Variants in KIAA1549L observed in about 807,000 individuals in gnomAD.
KIAA1549L encodes the protein KIAA1549 like, also known as UPF0606 protein KIAA1549L.
KIAA1549L carries 88 observed loss-of-function variants against 160.7 expected under a neutral mutation model. The observed-to-expected ratio is 0.55, with a 90% CI of 0.46 to 0.65. The LOEUF is 0.65. Ranked by LOEUF, KIAA1549L falls within the 30% of genes least tolerant of loss-of-function variation. The pLI is 0.00. For missense variants in KIAA1549L, 2,258 were observed against 2,437.5 expected (o/e 0.93, Z 1.55); for synonymous variants, 950 against 976.7 (o/e 0.97, Z 0.51).
chr11:33,446,608 A>C (rs1174782690), intron 1 of KIAA1549L, among the ~76,000 whole-genome samples: 1 of 152,148 alleles, frequency 6.6e-6, no homozygotes, highest in African/African-American at 2.4e-5. Flanking sequence ...TCATGAGTTT[A>C]CATCCCAAAT....
chr11:33,464,474 ATGTGTGTGTGTGTGTGTGTGTGTGTG>A (rs3038997), intron 1 of KIAA1549L, among the ~76,000 whole-genome samples: 2 of 140,090 alleles, frequency 1.4e-5, no homozygotes, highest in African/African-American at 5.3e-5. Flanking sequence ...CTGTGTGTGC[ATGTGTGTGTGTGTGTGTGTGTGTGTG>A]TGTGTGTGTG....
chr11:33,438,113 T>A (rs149903812), intron 1 of KIAA1549L, among the ~76,000 whole-genome samples: 62 of 152,314 alleles, frequency 4.1e-4, no homozygotes, highest in East Asian at 4.1e-3. Context: ...AAGAGTTGTT[T>A]CACATGGATC....
At position 33,530,429 on chromosome 11, in the gene KIAA1549L, AAAAAAAAATATATATATATAT is replaced by A. The variant is rs1485446711; in HGVS notation, c.239-11371_239-11351del. Among the ~76,000 whole-genome samples the A allele has an allele frequency of 3.3e-3, 63 of 19,128 alleles. 5 individuals are homozygous for A. Among genetic ancestry groups the A allele is most frequent in the African/African-American group, 9.0e-3 (58 of 6,468 alleles). The allele number at this position is 19,128 out of a possible 152,430, so 12.5% of individuals were successfully genotyped here. A position where few individuals can be genotyped will look rare whatever the true frequency, so the allele number is the denominator to read the frequency against. On this transcript the variant is annotated intron_variant, in intron 1 of 20. Coordinates refer to ENST00000658780, the MANE Select transcript of KIAA1549L (RefSeq NM_012194.3). Reference sequence around the variant, plus strand: ...GAAGAAGAAGGAAAAAAAAAAAAAAAAAAAAAAATATATATATATATATATATATATATATATATATATATA... The same window carrying A: ...GAAGAAGAAGGAAAAAAAAAAAAAAAATATATATATATATATATATATATA...
intron 15 of KIAA1549L, among the ~76,000 whole-genome samples, chr11:33,610,946 C>T (rs992289625): frequency 2.0e-5 from 3 of 152,168 alleles, no homozygotes; most frequent in Admixed American, 6.5e-5. Flanking sequence ...AATAATGCCA[C>T]CCATGAGGAG....
intron 17 of KIAA1549L, among the ~76,000 whole-genome samples, chr11:33,646,387 A>G (rs1259937936): frequency 1.8e-4 from 28 of 152,222 alleles, no homozygotes. Flanking sequence ...AAGGCATCTC[A>G]GAGCCACATG....
At chr11:33,563,431 T>C (rs915921752) in intron 8 of KIAA1549L, among the ~76,000 whole-genome samples, 2 of 150,782 alleles carry the variant, frequency 1.3e-5, no homozygotes, top group African/African-American at 4.9e-5. Context: ...CTGCACATCA[T>C]GGAAGATGTG....
rs1852517862 is a variant in KIAA1549L, at chr11:33,667,672, G to A, written c.6160-201G>A. On this transcript the variant is annotated intron_variant, in intron 20 of 20. Coordinates refer to ENST00000658780, the MANE Select transcript of KIAA1549L (RefSeq NM_012194.3). ...GACTTCCAAAGTGCCGGGATTACAG[G>A]CGTGAGCCACCGAAATTACCTATTT... is the stretch of plus-strand genomic sequence containing the variant. 2.0e-5 allele frequency among the ~76,000 whole-genome samples: 3 copies of A among 152,148 alleles called. 1 individual carries two copies. In the South Asian group the frequency reaches 6.2e-4, roughly 32 times the overall value.
chr11:33,463,484 A>G (rs113700666), intron 1 of KIAA1549L, among the ~76,000 whole-genome samples: 1 of 152,280 alleles, frequency 6.6e-6, no homozygotes, highest in African/African-American at 2.4e-5. Flanking sequence ...ATAAATACCA[A>G]CGTCTTGGGT....
intron 1 of KIAA1549L, among the ~76,000 whole-genome samples, chr11:33,390,180 C>T (rs1459368894): frequency 2.0e-5 from 3 of 152,204 alleles, no homozygotes; most frequent in Admixed American, 6.5e-5. Flanking sequence ...TTCAGTGTCT[C>T]CCAGTTAACT....
intron 1 of KIAA1549L, among the ~76,000 whole-genome samples, chr11:33,442,980 A>G (rs1851539731): frequency 6.6e-6 from 1 of 151,950 alleles, no homozygotes; most frequent in African/African-American, 2.4e-5. Flanking sequence ...TTTCATTATT[A>G]TATTTTATAT....
intron 1 of KIAA1549L, among the ~76,000 whole-genome samples, chr11:33,516,969 A>G (rs1051266491): frequency 8.5e-5 from 13 of 152,168 alleles, no homozygotes; most frequent in African/African-American, 7.2e-5. Flanking sequence ...CCTAATTGCT[A>G]TTACTCTCAA....
intron 16 of KIAA1549L, among the ~76,000 whole-genome samples, chr11:33,642,467 G>T (rs2133397459): frequency 6.6e-6 from 1 of 152,316 alleles, no homozygotes; most frequent in East Asian, 1.9e-4. Context: ...TAAGGGAGGG[G>T]AAGGGGTTCT....
chr11:33,545,488 C>G (rs1023292094), intron 3 of KIAA1549L, 110 bp downstream of exon 3: 2 of 1,281,532 alleles, frequency 1.6e-6, no homozygotes, highest in Non-Finnish European at 2.1e-6. Flanking sequence ...TTTCCACCCT[C>G]CCCCAGGGAC....
chr11:33,495,802 T>A lies in KIAA1549L; in HGVS notation c.239-46000T>A, dbSNP rs372856544. On this transcript the variant is annotated intron_variant, in intron 1 of 20. Transcript: ENST00000658780. Reference sequence around the variant, plus strand: ...CTCCAGCACCTGTTGTTTCCTGACTTTTTAATGATTGCCATTCTAACTGGT... The same window carrying A: ...CTCCAGCACCTGTTGTTTCCTGACTATTTAATGATTGCCATTCTAACTGGT... Among the ~76,000 whole-genome samples the A allele has an allele frequency of 2.3e-3, 349 of 151,970 alleles. 3 individuals carry two copies. The South Asian group carries it at 0.024, about 10-fold the overall frequency.
chr11:33,633,173 AT>A (rs1449603722), intron 16 of KIAA1549L, among the ~76,000 whole-genome samples: 1 of 66,098 alleles, frequency 1.5e-5, no homozygotes, highest in East Asian at 4.4e-4. Context: ...TTTTTTTTGT[AT>A]TTTTAGTAGA....
chr11:33,632,818 A>C lies in KIAA1549L; in HGVS notation c.5410-12868A>C, dbSNP rs552124953. Among the ~76,000 whole-genome samples, 26 of 151,772 alleles carry C rather than the reference A, an allele frequency of 1.7e-4. No homozygotes were observed. The South Asian group carries it at 5.2e-3, about 30-fold the overall frequency. On this transcript the variant is annotated intron_variant, in intron 16 of 20. Transcript: ENST00000658780. The stretch of plus-strand genomic sequence containing the variant: ...TGTTGCCCATAGAGGCTGGCCTAGA[A>C]CTCCTGGCTTTGAGCAATTTTCCCA...
chr11:33,382,591 A>G (rs1362072285), intron 1 of KIAA1549L, among the ~76,000 whole-genome samples: 1 of 152,208 alleles, frequency 6.6e-6, no homozygotes, highest in Non-Finnish European at 1.5e-5. Context: ...ATTTTTAAAC[A>G]TGAAAGACAT....
At chr11:33,414,152 C>T (rs1850837683) in intron 1 of KIAA1549L, among the ~76,000 whole-genome samples, 1 of 152,152 alleles carries the variant, frequency 6.6e-6, no homozygotes, top group African/African-American at 2.4e-5. Flanking sequence ...AGTACACAAG[C>T]CTAGAAGTCT....
intron 16 of KIAA1549L, among the ~76,000 whole-genome samples, chr11:33,634,227 G>T (rs1851380013): frequency 6.6e-6 from 1 of 152,132 alleles, no homozygotes; most frequent in Non-Finnish European, 1.5e-5. Context: ...ATTTTTAAGA[G>T]AGGCAGGGTT....
Sources: gnomAD v4.1 joint callset for allele counts (sites outside exome capture counted in the v4.1 genomes callset) on GRCh38, gnomAD v4.1.1 for gene constraint, MANE v1.5 for transcripts, NCBI Gene and HGNC (gene_info 2026-07-23, HGNC 2026-07-21) for gene names.